The following MRPS6 variants were observed in gnomAD, a reference collection of about 807,000 sequenced individuals.
MRPS6 encodes small ribosomal subunit protein bS6m.
Under a neutral mutation model 13.1 loss-of-function variants are expected in MRPS6, and 6 were observed. The observed-to-expected ratio is 0.46, with a 90% CI of 0.25 to 0.91. The LOEUF is 0.91. Ranked by LOEUF, MRPS6 falls within the 40% of genes least tolerant of loss-of-function variation. MRPS6 has a pLI of 0.18. For synonymous variants in MRPS6, 61 were observed against 56.5 expected (o/e 1.08, Z -0.36); for missense variants, 164 against 155.6 (o/e 1.05, Z -0.29).
chr21:34,137,345 G>A (rs113568487), intron 2 of MRPS6, among the ~76,000 whole-genome samples: 1,754 of 152,214 alleles, frequency 0.012, 38 homozygotes, highest in South Asian at 0.081. Flanking sequence ...TCTTTCAGCA[G>A]CGTTTTGTAG....
At chr21:34,120,114 C>T (rs1053026281) in intron 1 of MRPS6, among the ~76,000 whole-genome samples, 3 of 152,168 alleles carry the variant, frequency 2.0e-5, no homozygotes, top group Non-Finnish European at 4.4e-5. Flanking sequence ...CCTAGCAGTA[C>T]GTGTATTCTT....
intron 1 of MRPS6, among the ~76,000 whole-genome samples, chr21:34,079,957 C>A (rs1326275421): frequency 6.6e-6 from 1 of 152,108 alleles, no homozygotes; most frequent in Non-Finnish European, 1.5e-5. Flanking sequence ...TGTCTTCTGT[C>A]ATCTGGGGCT....
At chr21:34,098,427 T>C (rs965923862) in intron 1 of MRPS6, 22 of 1,000,048 alleles carry the variant, frequency 2.2e-5, no homozygotes, top group Non-Finnish European at 2.5e-5. Context: ...AATTTAATTC[T>C]GATATCTTAT....
chr21:34,088,646 T>C (rs1326697048), intron 1 of MRPS6, among the ~76,000 whole-genome samples: 2 of 152,222 alleles, frequency 1.3e-5, no homozygotes, highest in Non-Finnish European at 2.9e-5. Flanking sequence ...GCATAGTGAT[T>C]AAGGGCAAAA....
At chr21:34,082,587 C>G (rs1989483662) in intron 1 of MRPS6, among the ~76,000 whole-genome samples, 1 of 152,066 alleles carries the variant, frequency 6.6e-6, no homozygotes, top group Non-Finnish European at 1.5e-5. Flanking sequence ...CCCATGATCC[C>G]TGGAAAATAG....
intron 1 of MRPS6, chr21:34,104,757 G>A: frequency 2.0e-6 from 2 of 1,000,248 alleles, no homozygotes; most frequent in Non-Finnish European, 2.4e-6. Flanking sequence ...AACACCCTTG[G>A]CTTAGCAACA....
rs868227466 is a variant in MRPS6, at chr21:34,121,499, G to C, written c.46-3842G>C. 5.9e-5 allele frequency among the ~76,000 whole-genome samples: 9 copies of C among 151,866 alleles called. No individual in the cohort carries two copies. In the Middle Eastern group the frequency reaches 0.01, roughly 172 times the overall value. ...CCCATTCATTCATTCCTTTCTTTCT[G>C]TATTTTTTTTTCAAATGAATGTTTT... On this transcript the variant is annotated intron_variant, in intron 1 of 2. Coordinates refer to ENST00000399312, the MANE Select transcript of MRPS6 (RefSeq NM_032476.4).
At chr21:34,098,487 T>C (rs984548178) in intron 1 of MRPS6, 3 of 1,000,170 alleles carry the variant, frequency 3.0e-6, no homozygotes, top group Non-Finnish European at 3.6e-6. Flanking sequence ...CAAAAGACTT[T>C]CCATCTGTAC....
At chr21:34,125,581 C>G (rs1980275423) in intron 2 of MRPS6, 101 bp downstream of exon 2, 3 of 1,510,502 alleles carry the variant, frequency 2.0e-6, no homozygotes, top group Middle Eastern at 3.7e-4. Flanking sequence ...CATTGAGACC[C>G]CTGTTGCGCC....
chr21:34,098,067 CAT>C, intron 1 of MRPS6: 2 of 998,822 alleles, frequency 2.0e-6, no homozygotes, highest in Non-Finnish European at 2.4e-6. Flanking sequence ...TGTAAAGTTA[CAT>C]GTCATGATTG....
intron 1 of MRPS6, chr21:34,100,404 C>A: frequency 3.0e-6 from 3 of 1,000,134 alleles, no homozygotes; most frequent in Non-Finnish European, 2.4e-6. Context: ...TTTCTTCTTC[C>A]CCAGCTATTC....
intron 1 of MRPS6, among the ~76,000 whole-genome samples, chr21:34,122,016 A>G (rs62212128): frequency 0.09 from 13,662 of 152,242 alleles, 764 homozygotes; most frequent in Middle Eastern, 0.16. Context: ...TACACCCTCT[A>G]TACGTCAGTC....
At chr21:34,083,914 T>A (rs185630699) in intron 1 of MRPS6, among the ~76,000 whole-genome samples, 99 of 152,384 alleles carry the variant, frequency 6.5e-4, no homozygotes, top group Non-Finnish European at 2.6e-4. Flanking sequence ...TCTTGTCATC[T>A]GGCATACAAA....
At chr21:34,105,047 C>T in intron 1 of MRPS6, 8 of 999,916 alleles carry the variant, frequency 8.0e-6, no homozygotes, top group Non-Finnish European at 8.4e-6. Context: ...AAGTCTTTTG[C>T]TCATAGACTT....
chr21:34,119,164 A>G (rs1980033734), intron 1 of MRPS6, among the ~76,000 whole-genome samples: 1 of 152,220 alleles, frequency 6.6e-6, no homozygotes. Flanking sequence ...GTTCTCTACA[A>G]TGAAGAATAT....
In MRPS6 at chr21:34,078,299, A is replaced by G. The variant is rs533782315; in HGVS notation, c.45+4554A>G. Among the ~76,000 whole-genome samples the G allele has an allele frequency of 2.0e-5, 3 of 152,258 alleles. No individual in the cohort carries two copies. In the South Asian group the frequency reaches 6.2e-4, roughly 32 times the overall value. ...GAACAATGTTATACTTTCATTTGGT[A>G]TTAAATTTTCTTGGGTTACAGCTTA... On this transcript the variant is annotated intron_variant, in intron 1 of 2. Coordinates refer to ENST00000399312, the MANE Select transcript of MRPS6 (RefSeq NM_032476.4).
intron 2 of MRPS6, chr21:34,135,694 T>C (rs1323799875): frequency 1.2e-4 from 45 of 386,448 alleles, no homozygotes; most frequent in Admixed American, 1.6e-4. Flanking sequence ...GGGACCACCA[T>C]TGATGATGGT....
intron 1 of MRPS6, chr21:34,098,344 A>G: frequency 1.0e-6 from 1 of 1,000,296 alleles, no homozygotes; most frequent in Non-Finnish European, 1.2e-6. Flanking sequence ...AGAAAAATTG[A>G]CGCTGCCTTT....
intron 1 of MRPS6, among the ~76,000 whole-genome samples, chr21:34,081,959 C>A (rs1382574184): frequency 6.6e-6 from 1 of 151,716 alleles, no homozygotes; most frequent in Non-Finnish European, 1.5e-5. Context: ...CTGCTCCCAT[C>A]TATTATTGCC....
Sources: allele counts gnomAD v4.1 joint callset (sites outside exome capture counted in the v4.1 genomes callset), GRCh38; gene constraint gnomAD v4.1.1; transcripts MANE v1.5; gene names NCBI Gene and HGNC (gene_info 2026-07-23, HGNC 2026-07-21).